The following NDUFS1 variants were observed in gnomAD, a reference collection of about 807,000 sequenced individuals.
The protein encoded by NDUFS1 is NADH:ubiquinone oxidoreductase core subunit S1.
Under a neutral mutation model 84.4 loss-of-function variants are expected in NDUFS1, and 61 were observed. The ratio of observed to expected loss-of-function variants is 0.72; its 90% CI spans 0.59 to 0.89. The LOEUF (loss-of-function observed/expected upper bound fraction) is 0.89. Among genes scored for constraint, NDUFS1 ranks in the 40% least tolerant of loss-of-function variants. The probability of loss-of-function intolerance (pLI) is 0.00; values close to 1 mark genes in which losing one functional copy is unlikely to be tolerated. For synonymous variants in NDUFS1, 275 were observed against 290.0 expected (o/e 0.95, Z 0.53); for missense variants, 891 against 890.0 (o/e 1.00, Z -0.01).
At chr2:206,141,613 C>T (rs1691958504) in intron 12 of NDUFS1, among the ~76,000 whole-genome samples, 2 of 146,146 alleles carry the variant, frequency 1.4e-5, no homozygotes, top group South Asian at 4.3e-4. Context: ...AAAAAAAAGG[C>T]TCGGTGCAGT....
rs572714144 is a variant in NDUFS1, at chr2:206,118,004, T to G, written c.*6181A>C. The G allele has an allele frequency of 6.6e-6, 1 of 152,342 alleles. No homozygotes were observed. The highest frequency in any genetic ancestry group is 1.9e-4 in the East Asian group (1 of 5,190). 9.4% of individuals were successfully genotyped at this position (152,342 alleles called of 1,614,324 possible). On this transcript the variant is annotated 3_prime_UTR_variant, in exon 19 of 19. Transcript: ENST00000233190. ...TCATATATTTGCCATTTCCAACATA[T>G]GCTTTTAGTCCAGTCTAATCACCAG...
At chr2:206,134,147 C>T (rs1012990405) in intron 13 of NDUFS1, among the ~76,000 whole-genome samples, 1 of 152,052 alleles carries the variant, frequency 6.6e-6, no homozygotes, top group Non-Finnish European at 1.5e-5. Flanking sequence ...AGGAATTTGC[C>T]AAGGAAATGT....
intron 9 of NDUFS1, 68 bp downstream of exon 9, chr2:206,144,824 C>A: frequency 6.6e-7 from 1 of 1,504,572 alleles, no homozygotes; most frequent in East Asian, 2.5e-5. Flanking sequence ...AAAGATAATT[C>A]TTCAAAATTA....
chr2:206,122,575 G>C lies in NDUFS1; in HGVS notation c.*1610C>G, dbSNP rs973338090. On this transcript the variant is annotated 3_prime_UTR_variant, in exon 19 of 19. Transcript: ENST00000233190. Reference sequence around the variant, plus strand: ...ATCAGGGAGGTGGTGATTGCAGTGAGCCAAGATCATGCCACTGCATTCCAG... The same window carrying C: ...ATCAGGGAGGTGGTGATTGCAGTGACCCAAGATCATGCCACTGCATTCCAG... 7.3e-6 allele frequency: 1 copy of C among 136,284 alleles called. No homozygotes were observed. Among genetic ancestry groups the C allele is most frequent in the Non-Finnish European group, 1.5e-5 (1 of 66,328 alleles). 8.4% of individuals were successfully genotyped at this position (136,284 alleles called of 1,614,324 possible).
At chr2:206,131,005 C>T (rs1020871110) in intron 14 of NDUFS1, among the ~76,000 whole-genome samples, 13 of 152,048 alleles carry the variant, frequency 8.5e-5, no homozygotes, top group African/African-American at 2.4e-4. Context: ...ATTTTTTCTA[C>T]GAATATATAT....
chr2:206,151,842 G>T (rs777864984), intron 3 of NDUFS1, among the ~76,000 whole-genome samples: 1 of 152,098 alleles, frequency 6.6e-6, no homozygotes. Context: ...CTTACCTATA[G>T]TAACTAATTT....
chr2:206,133,881 G>A (rs557312165), intron 13 of NDUFS1, among the ~76,000 whole-genome samples: 1 of 152,362 alleles, frequency 6.6e-6, no homozygotes, highest in African/African-American at 2.4e-5. Flanking sequence ...ACAGGAGGCT[G>A]AGGCACGAGA....
intron 13 of NDUFS1, among the ~76,000 whole-genome samples, chr2:206,133,567 T>C (rs890898450): frequency 1.3e-5 from 2 of 152,194 alleles, no homozygotes; most frequent in African/African-American, 2.4e-5. Flanking sequence ...CAATGTTAAA[T>C]ACCTACAATT....
At chr2:206,146,106 G>C (rs1164970631) in intron 8 of NDUFS1, among the ~76,000 whole-genome samples, 1 of 152,108 alleles carries the variant, frequency 6.6e-6, no homozygotes, top group Non-Finnish European at 1.5e-5. Context: ...AGATCCATTG[G>C]CAAAGAACAT....
chr2:206,148,071 CCCA>C (rs1692228289), intron 5 of NDUFS1, among the ~76,000 whole-genome samples: 1 of 151,946 alleles, frequency 6.6e-6, no homozygotes, highest in Non-Finnish European at 1.5e-5. Flanking sequence ...ATTACAGATG[CCCA>C]CCACCACACC....
At chr2:206,159,078 G>A (rs1273282357) in intron 1 of NDUFS1, 3 of 1,535,494 alleles carry the variant, frequency 2.0e-6, no homozygotes, top group Non-Finnish European at 2.6e-6. Context: ...GCAGAGGGAA[G>A]GTCACCTGCA....
In NDUFS1 at chr2:206,123,844, T is replaced by C. The variant is rs150214409; in HGVS notation, c.*341A>G. 685 of 203,412 alleles carry C rather than the reference T, an allele frequency of 3.4e-3. 4 individuals are homozygous for C. The highest frequency in any genetic ancestry group is 0.014 in the African/African-American group (624 of 43,128). 12.6% of individuals were successfully genotyped at this position (203,412 alleles called of 1,614,324 possible). A position where few individuals can be genotyped will look rare whatever the true frequency, so the allele number is the denominator to read the frequency against. On this transcript the variant is annotated 3_prime_UTR_variant, in exon 19 of 19. Coordinates refer to ENST00000233190, the MANE Select transcript of NDUFS1 (RefSeq NM_005006.7). Reference sequence around the variant, plus strand: ...AGCACTAGAAAAAAGTAGGTTTTAATTGAACCTCTTTTCATTTCATCCATT... The same window carrying C: ...AGCACTAGAAAAAAGTAGGTTTTAACTGAACCTCTTTTCATTTCATCCATT...
chr2:206,145,922 A>AAGG (rs1692138223), intron 8 of NDUFS1, among the ~76,000 whole-genome samples: 1 of 152,180 alleles, frequency 6.6e-6, no homozygotes, highest in African/African-American at 2.4e-5. Flanking sequence ...TGTAGTGGTA[A>AAGG]TTGCGGCAAG....
In NDUFS1 at chr2:206,119,933, G is replaced by A. The variant is rs1280639683; in HGVS notation, c.*4252C>T. On this transcript the variant is annotated 3_prime_UTR_variant, in exon 19 of 19. Transcript: ENST00000233190. ...CCAATGCTGGAGGTAGGGCCTCGTG[G>A]GAGGTATAGAATCATGGGGCAAATC... The A allele has an allele frequency of 6.6e-6, 1 of 152,052 alleles. No homozygotes were observed. The highest frequency in any genetic ancestry group is 2.4e-5 in the African/African-American group (1 of 41,410). The allele number at this position is 152,052 out of a possible 1,614,324, so 9.4% of individuals were successfully genotyped here.
Position 206,123,294 on chromosome 2 carries a change from C to A in NDUFS1, c.*891G>T. The A allele has an allele frequency of 6.7e-6, 1 of 150,260 alleles. No homozygotes were observed. The allele number at this position is 150,260 out of a possible 1,614,324, so 9.3% of individuals were successfully genotyped here. A position where few individuals can be genotyped will look rare whatever the true frequency, so the allele number is the denominator to read the frequency against. On this transcript the variant is annotated 3_prime_UTR_variant, in exon 19 of 19. Coordinates refer to ENST00000233190, the MANE Select transcript of NDUFS1 (RefSeq NM_005006.7). ...TATATCTCTTGAGACCTCCCTCATT[C>A]CAAGGGAGGTCTCATAAGTATACAT...
intron 12 of NDUFS1, 64 bp from the exon 13 acceptor site, chr2:206,138,678 T>C (rs1575968227): frequency 6.7e-7 from 1 of 1,493,306 alleles, no homozygotes; most frequent in East Asian, 2.3e-5. Context: ...GTCTCATCAA[T>C]CCTAAGTGAT....
Position 206,157,815 on chromosome 2 carries a change from C to G in NDUFS1, c.-5+1526G>C, listed in dbSNP as rs572462769. Among the ~76,000 whole-genome samples the G allele has an allele frequency of 2.0e-3, 306 of 152,256 alleles. 1 individual carries two copies. The highest frequency in any genetic ancestry group is 3.7e-3 in the Non-Finnish European group (251 of 68,010). On this transcript the variant is annotated intron_variant, in intron 1 of 18. Coordinates refer to ENST00000233190, the MANE Select transcript of NDUFS1 (RefSeq NM_005006.7). ...TGGATGGAAAATGTTAATGACTAAT[C>G]ATTTCTTAAACTAGACTGGATACTT... is the stretch of plus-strand genomic sequence containing the variant.
chr2:206,121,879 A>G lies in NDUFS1; in HGVS notation c.*2306T>C, dbSNP rs1691106508. On this transcript the variant is annotated 3_prime_UTR_variant, in exon 19 of 19. Coordinates refer to ENST00000233190, the MANE Select transcript of NDUFS1 (RefSeq NM_005006.7). ...TGAATGCAGTATTCTCTTACCCACA[A>G]CCATATGAAGTCTACACATATTCAT... The G allele has an allele frequency of 6.6e-6, 1 of 152,170 alleles. No homozygotes were observed. The highest frequency in any genetic ancestry group is 1.5e-5 in the Non-Finnish European group (1 of 68,050). The allele number at this position is 152,170 out of a possible 1,614,324, so 9.4% of individuals were successfully genotyped here.
At position 206,119,334 on chromosome 2, in the gene NDUFS1, A is replaced by G. The variant is rs1691033438; in HGVS notation, c.*4851T>C. 1 of 152,222 alleles carries G rather than the reference A, an allele frequency of 6.6e-6. No homozygotes were observed. The highest frequency in any genetic ancestry group is 2.4e-5 in the African/African-American group (1 of 41,458). The allele number at this position is 152,222 out of a possible 1,614,324, so 9.4% of individuals were successfully genotyped here. A position where few individuals can be genotyped will look rare whatever the true frequency, so the allele number is the denominator to read the frequency against. On this transcript the variant is annotated 3_prime_UTR_variant, in exon 19 of 19. Transcript: ENST00000233190. ...AATTTTTATCCTCATTTTACAGATG[A>G]AGAAATACTCTTAAAGAAAATGTTA...
Sources: gnomAD v4.1 joint callset for allele counts (sites outside exome capture counted in the v4.1 genomes callset) on GRCh38, gnomAD v4.1.1 for gene constraint, MANE v1.5 for transcripts, NCBI Gene and HGNC (gene_info 2026-07-23, HGNC 2026-07-21) for gene names.